The following AFTPH variants were observed in gnomAD, a reference collection of about 807,000 sequenced individuals.
AFTPH encodes aftiphilin.
Under a neutral mutation model 72.5 loss-of-function variants are expected in AFTPH, and 7 were observed. The ratio of observed to expected loss-of-function variants is 0.10; its 90% CI spans 0.05 to 0.18. AFTPH has a LOEUF of 0.18. Among genes scored for constraint, AFTPH ranks in the 10% least tolerant of loss-of-function variants. The pLI is 1.00. For missense variants in AFTPH, 979 were observed against 1,060.5 expected, an observed-to-expected ratio of 0.92 and a Z score of 1.07; for synonymous variants, 337 against 370.1, an observed-to-expected ratio of 0.91 and a Z score of 1.03.
rs116455333 is a variant in AFTPH, at chr2:64,575,170, C to T, written c.2394+2102C>T. ...ATCTTACTGTGTATTTCATTTTAGT[C>T]ATAGCTTATCATGTTTCTTTTATAA... On this transcript the variant is annotated intron_variant, in intron 6 of 8. Coordinates refer to ENST00000238856, the Ensembl canonical transcript of AFTPH. Among the ~76,000 whole-genome samples the T allele has an allele frequency of 1.2e-3, 181 of 152,254 alleles. 1 individual carries two copies. Among genetic ancestry groups the T allele is most frequent in the Non-Finnish European group, 1.8e-3 (125 of 68,022 alleles).
exon 2 of AFTPH, chr2:64,552,315 T>G (rs370251115): frequency 1.2e-6 from 2 of 1,613,948 alleles, no homozygotes; most frequent in African/African-American, 2.7e-5. Context: ...AGAAGTGGCT[T>G]TGGGTAGAAG....
At chr2:64,559,253 C>G (rs1223617445) in intron 2 of AFTPH, among the ~76,000 whole-genome samples, 1 of 151,948 alleles carries the variant, frequency 6.6e-6, no homozygotes, top group Non-Finnish European at 1.5e-5. Flanking sequence ...TCCAGATAAA[C>G]AGAACCAATA....
At chr2:64,553,558 T>A in intron 2 of AFTPH, 149 bp downstream of exon 2, 2 of 880,066 alleles carry the variant, frequency 2.3e-6, no homozygotes, top group Non-Finnish European at 3.2e-6. Flanking sequence ...GTGGGTTGGT[T>A]ACATTTTTCA....
chr2:64,558,420 T>G (rs1671521983), intron 2 of AFTPH, among the ~76,000 whole-genome samples: 1 of 152,120 alleles, frequency 6.6e-6, no homozygotes, highest in Non-Finnish European at 1.5e-5. Context: ...TCACTGAACC[T>G]CTAAATAAAG....
chr2:64,531,372 C>A (rs1489355831), intron 1 of AFTPH, among the ~76,000 whole-genome samples: 2 of 152,162 alleles, frequency 1.3e-5, no homozygotes, highest in African/African-American at 4.8e-5. Flanking sequence ...CTTATTTCCT[C>A]AGATGATCAG....
chr2:64,543,399 A>G (rs184711953), intron 1 of AFTPH, among the ~76,000 whole-genome samples: 10 of 152,318 alleles, frequency 6.6e-5, no homozygotes, highest in African/African-American at 9.6e-5. Flanking sequence ...CAATATATCA[A>G]TCTTTTCTGT....
chr2:64,564,581 T>C (rs1375835422), intron 2 of AFTPH, among the ~76,000 whole-genome samples: 2 of 151,502 alleles, frequency 1.3e-5, no homozygotes, highest in African/African-American at 4.9e-5. Flanking sequence ...ACCACTGCAC[T>C]CCAGCCTCGG....
intron 5 of AFTPH, among the ~76,000 whole-genome samples, chr2:64,572,333 A>G (rs894978413): frequency 2.6e-5 from 4 of 152,212 alleles, no homozygotes; most frequent in African/African-American, 9.7e-5. Context: ...CAAGGAACTA[A>G]GTCTCCAGTG....
chr2:64,549,361 C>T (rs1670889006), intron 1 of AFTPH, among the ~76,000 whole-genome samples: 1 of 115,884 alleles, frequency 8.6e-6, no homozygotes, highest in Admixed American at 1.2e-4. Context: ...CACTCTGTCA[C>T]TCAGGCTGGA....
intron 2 of AFTPH, among the ~76,000 whole-genome samples, chr2:64,556,599 T>C (rs1461481353): frequency 6.6e-6 from 1 of 152,206 alleles, no homozygotes; most frequent in Non-Finnish European, 1.5e-5. Context: ...TGTGACATTG[T>C]CCAGGTCCCC....
intron 2 of AFTPH, among the ~76,000 whole-genome samples, chr2:64,554,668 A>T (rs192400684): frequency 3.3e-5 from 5 of 152,198 alleles, no homozygotes; most frequent in African/African-American, 1.2e-4. Flanking sequence ...TTAATTTGCT[A>T]ATTCAGTTAT....
At chr2:64,535,771 C>CGT (rs1669851210) in intron 1 of AFTPH, among the ~76,000 whole-genome samples, 2 of 151,830 alleles carry the variant, frequency 1.3e-5, no homozygotes, top group South Asian at 4.1e-4. Context: ...GAAGAAATGA[C>CGT]GTGTGACAAC....
chr2:64,573,717 G>C (rs1170307994), intron 6 of AFTPH, among the ~76,000 whole-genome samples: 1 of 151,982 alleles, frequency 6.6e-6, no homozygotes, highest in Non-Finnish European at 1.5e-5. Context: ...GAGTGCAGTG[G>C]TATGATCTCG....
chr2:64,566,275 A>G (rs551876452), intron 2 of AFTPH, among the ~76,000 whole-genome samples: 4 of 147,884 alleles, frequency 2.7e-5, no homozygotes, highest in Non-Finnish European at 4.4e-5. Flanking sequence ...ACCTTTTCCA[A>G]TATCACACAC....
chr2:64,584,899 CA>C lies in AFTPH; in HGVS notation c.2456-522del, dbSNP rs553145661. On this transcript the variant is annotated intron_variant, in intron 7 of 8. Coordinates refer to ENST00000238856, the Ensembl canonical transcript of AFTPH. ...GCGTGAGCCACCGCGCCTGGCCAGT[CA>C]TGATATATTTAAACTAACCAGATCA... Among the ~76,000 whole-genome samples the C allele has an allele frequency of 1.2e-3, 185 of 152,144 alleles. 2 individuals carry two copies. Among genetic ancestry groups the C allele is most frequent in the South Asian group, 3.9e-3 (19 of 4,820 alleles).
At chr2:64,551,079 G>T (rs1671016828) in intron 1 of AFTPH, among the ~76,000 whole-genome samples, 1 of 152,166 alleles carries the variant, frequency 6.6e-6, no homozygotes, top group Non-Finnish European at 1.5e-5. Context: ...TGAATTGAAG[G>T]AGAACTTAAC....
At position 64,564,058 on chromosome 2, in the gene AFTPH, T is replaced by G. The variant is rs1671902017; in HGVS notation, c.1936-3504T>G. 2.6e-5 allele frequency among the ~76,000 whole-genome samples: 4 copies of G among 152,232 alleles called. No homozygotes were observed. The South Asian group carries it at 8.3e-4, about 31-fold the overall frequency. On this transcript the variant is annotated intron_variant, in intron 2 of 8. Coordinates refer to ENST00000238856, the Ensembl canonical transcript of AFTPH. ...GTAACTATAGCAGGTTTCATTTATATAAGAGACTCTTAAAAATAGATACTC... is the reference window on the plus strand; with the variant it reads ...GTAACTATAGCAGGTTTCATTTATAGAAGAGACTCTTAAAAATAGATACTC...
intron 1 of AFTPH, among the ~76,000 whole-genome samples, chr2:64,529,214 G>A (rs936417918): frequency 1.3e-5 from 2 of 151,734 alleles, no homozygotes; most frequent in Non-Finnish European, 2.9e-5. Flanking sequence ...TTTATTATGT[G>A]TCTTACTGTT....
intron 7 of AFTPH, chr2:64,580,442 TTGTCTGG>T (rs907059240): frequency 2.0e-5 from 3 of 152,590 alleles, no homozygotes; most frequent in African/African-American, 4.8e-5. Context: ...CTTTTTGCTG[TTGTCTGG>T]TGTCTTCAGT....
Sources: gnomAD v4.1 joint callset for allele counts (sites outside exome capture counted in the v4.1 genomes callset) on GRCh38, gnomAD v4.1.1 for gene constraint, MANE v1.5 for transcripts, NCBI Gene and HGNC (gene_info 2026-07-23, HGNC 2026-07-21) for gene names.